Variants in TRPM3 observed in about 807,000 individuals in gnomAD.
TRPM3 encodes the protein transient receptor potential cation channel subfamily M member 3.
Under a neutral mutation model 181.2 loss-of-function variants are expected in TRPM3, and 77 were observed. The ratio of observed to expected loss-of-function variants is 0.42; its 90% CI spans 0.35 to 0.51. The LOEUF (loss-of-function observed/expected upper bound fraction) is 0.51, where lower values mean the gene tolerates loss of function less well. Ranked by LOEUF, TRPM3 falls within the 20% of genes least tolerant of loss-of-function variation. The pLI, the probability that TRPM3 is intolerant of heterozygous loss-of-function variation, is 0.01. For synonymous variants in TRPM3, 745 were observed against 796.4 expected (o/e 0.94, Z 1.09); for missense variants, 1,759 against 2,196.7 (o/e 0.80, Z 3.98).
At chr9:71,256,200 T>C (rs1056287225) in intron 1 of TRPM3, among the ~76,000 whole-genome samples, 2 of 152,214 alleles carry the variant, frequency 1.3e-5, no homozygotes, top group Admixed American at 1.3e-4. Context: ...GGAGTTGGAA[T>C]TCAGATGCAG....
At chr9:70,832,283 A>T (rs1424400846) in intron 5 of TRPM3, among the ~76,000 whole-genome samples, 1 of 151,716 alleles carries the variant, frequency 6.6e-6, no homozygotes, top group Non-Finnish European at 1.5e-5. Context: ...CCTAAAACTT[A>T]AAGTATAATA....
At chr9:70,751,181 A>T (rs1174340376) in intron 8 of TRPM3, among the ~76,000 whole-genome samples, 1 of 152,138 alleles carries the variant, frequency 6.6e-6, no homozygotes, top group Non-Finnish European at 1.5e-5. Context: ...TAAGAAACTC[A>T]TCTAACATAT....
intron 8 of TRPM3, among the ~76,000 whole-genome samples, chr9:70,698,427 C>T (rs2071312386): frequency 6.6e-6 from 1 of 152,112 alleles, no homozygotes; most frequent in Non-Finnish European, 1.5e-5. Context: ...AGTAATTATA[C>T]TTCCCATTGG....
At chr9:71,399,529 T>C (rs909541282) in intron 1 of TRPM3, among the ~76,000 whole-genome samples, 65 of 122,286 alleles carry the variant, frequency 5.3e-4, no homozygotes, top group Non-Finnish European at 5.2e-4. Flanking sequence ...TTCTTTTGTT[T>C]TTTTTTTTTT....
rs573362819 is a variant in TRPM3 at position 71,108,092 on chromosome 9, T to C, written c.177+13086A>G. On this transcript the variant is annotated intron_variant, in intron 1 of 25. Transcript: ENST00000677713. ...TAAAAGCATTTCTTCATGATTTCAATATGTTCCTCCAGTGAAGGAGAGTCT... is the reference window on the plus strand; with the variant it reads ...TAAAAGCATTTCTTCATGATTTCAACATGTTCCTCCAGTGAAGGAGAGTCT... 1.1e-4 allele frequency among the ~76,000 whole-genome samples: 16 copies of C among 152,326 alleles called. No homozygotes were observed. In the South Asian group the frequency reaches 3.1e-3, roughly 30 times the overall value.
At chr9:71,039,939 T>C (rs531135269) in intron 1 of TRPM3, among the ~76,000 whole-genome samples, 1 of 152,328 alleles carries the variant, frequency 6.6e-6, no homozygotes, top group Admixed American at 6.5e-5. Flanking sequence ...GGTTCAAAAT[T>C]ATAATATTTG....
At chr9:70,997,694 T>C (rs2097553756) in intron 1 of TRPM3, among the ~76,000 whole-genome samples, 1 of 152,142 alleles carries the variant, frequency 6.6e-6, no homozygotes, top group Admixed American at 6.5e-5. Flanking sequence ...CACATGATCT[T>C]TGTAGGCCAC....
intron 1 of TRPM3, among the ~76,000 whole-genome samples, chr9:71,159,130 A>AGAGC (rs761018851): frequency 1.3e-5 from 2 of 151,342 alleles, no homozygotes; most frequent in Admixed American, 6.6e-5. Context: ...AGAGAGAGAG[A>AGAGC]GAGAGAAAGA....
intron 24 of TRPM3, among the ~76,000 whole-genome samples, chr9:70,550,574 T>C (rs532444492): frequency 3.3e-5 from 5 of 152,302 alleles, no homozygotes; most frequent in South Asian, 2.1e-4. Flanking sequence ...CAGTGGAAAA[T>C]TGAACCTTTA....
At chr9:71,359,191 G>A (rs566305890) in intron 1 of TRPM3, among the ~76,000 whole-genome samples, 7 of 152,308 alleles carry the variant, frequency 4.6e-5, no homozygotes, top group African/African-American at 1.7e-4. Flanking sequence ...GAGCTTGAAT[G>A]TGAGGTAATG....
intron 1 of TRPM3, among the ~76,000 whole-genome samples, chr9:71,217,279 C>G (rs1166112256): frequency 6.6e-6 from 1 of 152,132 alleles, no homozygotes; most frequent in African/African-American, 2.4e-5. Context: ...CATTCTCTCT[C>G]CTATAAACTC....
rs1272843160 is a variant in TRPM3, at chr9:71,284,437, A to T, written c.183+162216T>A. Among the ~76,000 whole-genome samples, 3 of 152,308 alleles carry T rather than the reference A, an allele frequency of 2.0e-5. 1 individual carries two copies. The East Asian group carries it at 5.8e-4, about 29-fold the overall frequency. ...TATGTGAAGAAAACGTGGAGAATAC[A>T]ACACTTGATCTGTCTAATGGCCTAG... On this transcript the variant is annotated intron_variant, in intron 1 of 24. Coordinates refer to the TRPM3 transcript ENST00000357533.
intron 1 of TRPM3, among the ~76,000 whole-genome samples, chr9:71,415,226 A>G (rs2093618480): frequency 6.6e-6 from 1 of 152,044 alleles, no homozygotes; most frequent in African/African-American, 2.4e-5. Context: ...TCTCCTGGAC[A>G]GTGTGTGGCC....
At chr9:71,311,984 C>T (rs2087992592) in intron 1 of TRPM3, among the ~76,000 whole-genome samples, 1 of 152,178 alleles carries the variant, frequency 6.6e-6, no homozygotes, top group African/African-American at 2.4e-5. Flanking sequence ...GTTGGATGAG[C>T]TTATCTAGAC....
chr9:70,646,285 C>T (rs942344625), intron 9 of TRPM3, among the ~76,000 whole-genome samples: 2 of 152,168 alleles, frequency 1.3e-5, no homozygotes, highest in Non-Finnish European at 2.9e-5. Context: ...TTTATTGAAG[C>T]ACTATTCACA....
intron 18 of TRPM3, among the ~76,000 whole-genome samples, chr9:70,611,457 T>C (rs930125634): frequency 2.0e-5 from 3 of 152,142 alleles, no homozygotes; most frequent in African/African-American, 7.2e-5. Context: ...TCTGTCACTC[T>C]CTCTCTCCTG....
At chr9:70,786,665 T>G (rs970605718) in intron 6 of TRPM3, among the ~76,000 whole-genome samples, 3 of 152,238 alleles carry the variant, frequency 2.0e-5, no homozygotes, top group Non-Finnish European at 4.4e-5. Context: ...TTATGAAGTA[T>G]TTCCCAAAGT....
At chr9:70,889,852 T>C (rs1017923159) in intron 1 of TRPM3, among the ~76,000 whole-genome samples, 3 of 151,078 alleles carry the variant, frequency 2.0e-5, no homozygotes, top group Admixed American at 6.6e-5. Flanking sequence ...CAGAAAAGTA[T>C]AGTAAAAAGT....
chr9:71,400,635 G>T (rs1452456851), intron 1 of TRPM3, among the ~76,000 whole-genome samples: 2 of 151,660 alleles, frequency 1.3e-5, no homozygotes, highest in Non-Finnish European at 2.9e-5. Context: ...TAAATTTTTT[G>T]AAATTATTTA....
Sources: allele counts gnomAD v4.1 joint callset (sites outside exome capture counted in the v4.1 genomes callset), GRCh38; gene constraint gnomAD v4.1.1; transcripts MANE v1.5; gene names NCBI Gene and HGNC (gene_info 2026-07-23, HGNC 2026-07-21).